The following LTBP3 variants were observed in gnomAD, a reference collection of about 807,000 sequenced individuals.
The protein encoded by LTBP3 is latent-transforming growth factor beta-binding protein 3.
In LTBP3, 97 loss-of-function variants were observed where a neutral mutation model predicts 159.7. That is an observed-to-expected ratio of 0.61 (90% CI 0.52 to 0.72). The LOEUF is 0.72. Among genes scored for constraint, LTBP3 ranks in the 30% least tolerant of loss-of-function variants. The pLI, the probability that LTBP3 is intolerant of heterozygous loss-of-function variation, is 0.00. For missense variants in LTBP3, 1,584 were observed against 1,864.3 expected, an observed-to-expected ratio of 0.85 and a Z score of 2.77; for synonymous variants, 824 against 777.1, an observed-to-expected ratio of 1.06 and a Z score of -1.00.
In LTBP3 at chr11:65,551,243, T is replaced by G. The variant is rs1856601750; in HGVS notation, c.1622-19A>C. 6.5e-7 allele frequency: 1 copy of G among 1,541,868 alleles called. No individual in the cohort carries two copies. The highest frequency in any genetic ancestry group is 8.7e-7 in the Non-Finnish European group (1 of 1,145,288). On this transcript the variant is annotated intron_variant, in intron 10 of 27. Coordinates refer to ENST00000301873, the MANE Select transcript of LTBP3 (RefSeq NM_001130144.3). ...ATCAGCTCTGCGGGCGGCAGTGCACTCTGGTCAGAGACGATATTGACTGAA... is the reference window on the plus strand; with the variant it reads ...ATCAGCTCTGCGGGCGGCAGTGCACGCTGGTCAGAGACGATATTGACTGAA...
chr11:65,557,814 C>A lies in LTBP3; in HGVS notation c.146G>T (p.Arg49Leu), dbSNP rs748487542. 1 of 1,492,712 alleles carries A rather than the reference C, an allele frequency of 6.7e-7. No individual in the cohort carries two copies. Among genetic ancestry groups the A allele is most frequent in the East Asian group, 2.7e-5 (1 of 37,414 alleles). The allele number at this position is 1,492,712 out of a possible 1,614,324, so 92.5% of individuals were successfully genotyped here. ...GRVEGGPAGE[R>L]GAGGGGALAR... The stretch of plus-strand genomic sequence containing the variant: ...CAGCGCCCCGCCCCCGCCTGCGCCC[C>A]GCTCGCCGGCCGGCCCCCCCTCGAC... Residue 49 changes from arginine (R) to leucine (L), a missense_variant, in exon 1 of 28, where the codon CGG (arginine) becomes CTG (leucine). Arg to Leu is a moderately radical substitution (Grantham distance 102). This residue lies in a region of LTBP3 where 79 missense variants were observed against 64.7 expected (regional missense o/e 1.22). Coordinates refer to ENST00000301873, the MANE Select transcript of LTBP3 (RefSeq NM_001130144.3).
chr11:65,540,777 C>A, intron 21 of LTBP3, 94 bp downstream of exon 21: 1 of 1,434,718 alleles, frequency 7.0e-7, no homozygotes, highest in Non-Finnish European at 9.4e-7. Flanking sequence ...GCTTACCCGG[C>A]GCGGGCAGCT....
chr11:65,545,247 T>A, intron 16 of LTBP3: 14 of 175,548 alleles, frequency 8.0e-5, no homozygotes, highest in Non-Finnish European at 1.6e-4. Flanking sequence ...TTCCGCAGCC[T>A]GCCCCTGAAC....
rs1856022551 is a variant in LTBP3, at chr11:65,540,124, A to G, written c.3274T>C (p.Cys1092Arg). ...DVDECQDPAACRPGRCVNLPG... is the reference protein window; with the variant it reads ...DVDECQDPAARRPGRCVNLPG... ...AGGTTGACGCAGCGGCCAGGGCGGC[A>G]GGCTGCCGGGTCCTGGCACTCGTCC... Residue 1092 changes from cysteine (C) to arginine (R), a missense_variant, in exon 24 of 28, where the codon TGC becomes CGC. Coordinates refer to ENST00000301873, the MANE Select transcript of LTBP3 (RefSeq NM_001130144.3). 1 of 1,526,338 alleles carries G rather than the reference A, an allele frequency of 6.6e-7. No homozygotes were observed. The highest frequency in any genetic ancestry group is 1.4e-5 in the African/African-American group (1 of 72,458). 94.5% of individuals were successfully genotyped at this position (1,526,338 alleles called of 1,614,324 possible). A position where few individuals can be genotyped will look rare whatever the true frequency, so the allele number is the denominator to read the frequency against.
chr11:65,553,591 G>T lies in LTBP3; in HGVS notation c.865-61C>A. ...CCCCGCCCCGGTGCCGCCTGTTAGGGTTGGGCCTTTTCCTCTTCCCCCGCC... is the reference window on the plus strand; with the variant it reads ...CCCCGCCCCGGTGCCGCCTGTTAGGTTTGGGCCTTTTCCTCTTCCCCCGCC... On this transcript the variant is annotated intron_variant, in intron 3 of 27. Coordinates refer to ENST00000301873, the MANE Select transcript of LTBP3 (RefSeq NM_001130144.3). The surrounding 1 kb of genome is among the most constrained non-coding windows in gnomAD (Gnocchi z 6.5). The T allele has an allele frequency of 1.3e-6, 2 of 1,503,232 alleles. No homozygotes were observed. The highest frequency in any genetic ancestry group is 1.8e-6 in the Non-Finnish European group (2 of 1,094,812). The allele number at this position is 1,503,232 out of a possible 1,614,324, so 93.1% of individuals were successfully genotyped here.
chr11:65,540,048 G>A lies in LTBP3; in HGVS notation c.3350C>T (p.Ser1117Phe). The change falls in exon 24 of 28, where the codon TCC becomes TTC. Residue 1117 changes from serine (S) to phenylalanine (F), a missense_variant. Coordinates refer to ENST00000301873, the MANE Select transcript of LTBP3 (RefSeq NM_001130144.3). ...CTCGGGGAGCTGGCAATCGCGGCCGGAGGGCCCGGGCACCCAGGGCGGGCG... is the reference window on the plus strand; with the variant it reads ...CTCGGGGAGCTGGCAATCGCGGCCGAAGGGCCCGGGCACCCAGGGCGGGCG... ...ECRPPWVPGPSGRDCQLPESP... is the reference protein window; with the variant it reads ...ECRPPWVPGPFGRDCQLPESP... 1 of 1,517,926 alleles carries A rather than the reference G, an allele frequency of 6.6e-7. No homozygotes were observed. Among genetic ancestry groups the A allele is most frequent in the Non-Finnish European group, 8.8e-7 (1 of 1,138,598 alleles). The allele number at this position is 1,517,926 out of a possible 1,614,324, so 94.0% of individuals were successfully genotyped here.
intron 11 of LTBP3, chr11:65,548,899 G>A (rs1218448662): frequency 6.6e-6 from 1 of 152,172 alleles, no homozygotes; most frequent in Non-Finnish European, 1.5e-5. Context: ...TCTCCCACCT[G>A]AGCCCTAACC....
At chr11:65,542,766 A>G (rs1410346828) in intron 18 of LTBP3, 3 of 357,124 alleles carry the variant, frequency 8.4e-6, no homozygotes, top group Non-Finnish European at 1.6e-5. Flanking sequence ...CAATACATTA[A>G]TATCTGTAAA....
chr11:65,540,313 C>A lies in LTBP3; in HGVS notation c.3176G>T (p.Arg1059Leu), dbSNP rs1281800282. ...CTCGGCAGGGGGCGTGCAGGCACAG[C>A]GGTAGCCGCCGCGCGTGTTCTCACA... ...GVCENTRGGY[R>L]CACTPPAEYS... The change falls in exon 23 of 28, where the codon CGC becomes CTC. Residue 1059 changes from arginine (R) to leucine (L), a missense_variant. By Grantham distance (102) the Arg-to-Leu change is moderately radical. Coordinates refer to ENST00000301873, the MANE Select transcript of LTBP3 (RefSeq NM_001130144.3). The A allele has an allele frequency of 1.9e-6, 3 of 1,569,044 alleles. No individual in the cohort carries two copies. In the African/African-American group the frequency reaches 4.0e-5, roughly 21 times the overall value.
In LTBP3 at chr11:65,547,007, A is replaced by C; in HGVS notation, c.2108-87T>G. On this transcript the variant is annotated intron_variant, in intron 14 of 27. Transcript: ENST00000301873. This position sits in a 1 kb window ranked among gnomAD's most constrained non-coding sequence, Gnocchi z 4.6. Reference sequence around the variant, plus strand: ...GCGTCCACAGCAGGGACTTCCTCCCACACAGATCAACGAGGCTCCCGGACC... The same window carrying C: ...GCGTCCACAGCAGGGACTTCCTCCCCCACAGATCAACGAGGCTCCCGGACC... 5.7e-6 allele frequency: 9 copies of C among 1,577,088 alleles called. No homozygotes were observed. Among genetic ancestry groups the C allele is most frequent in the South Asian group, 1.1e-5 (1 of 90,516 alleles).
chr11:65,555,604 C>T (rs999209429), intron 1 of LTBP3, among the ~76,000 whole-genome samples: 2 of 152,196 alleles, frequency 1.3e-5, no homozygotes, highest in African/African-American at 4.8e-5. Context: ...CTCTGGAAGG[C>T]AGGGCCAGGC....
Position 65,558,067 on chromosome 11 carries a change from G to A in LTBP3, c.-108C>T, listed in dbSNP as rs2135169360. On this transcript the variant is annotated 5_prime_UTR_variant, in exon 1 of 28. Transcript: ENST00000301873. ...GCCCCGGGAGAGGGTAGGGGGCAGC[G>A]AGGGAGGGCAGCGGGGGAAGCGGGC... is the stretch of plus-strand genomic sequence containing the variant. 9.4e-7 allele frequency: 1 copy of A among 1,067,324 alleles called. No homozygotes were observed. Among genetic ancestry groups the A allele is most frequent in the Non-Finnish European group, 1.1e-6 (1 of 881,710 alleles). 66.1% of individuals were successfully genotyped at this position (1,067,324 alleles called of 1,614,324 possible).
rs186445637 is a variant in LTBP3 at position 65,554,414 on chromosome 11, C to T, written c.332-34G>A. The T allele has an allele frequency of 4.5e-4, 689 of 1,545,400 alleles. 4 individuals carry two copies. The African/African-American group carries it at 8.4e-3, about 19-fold the overall frequency. ...AAGAGTGGGGTCAGGCCCTCACCCA[C>T]ATCCTGTCTCTTTCCCCTCCTCCCT... On this transcript the variant is annotated intron_variant, in intron 1 of 27. Coordinates refer to ENST00000301873, the MANE Select transcript of LTBP3 (RefSeq NM_001130144.3). This position sits in a 1 kb window ranked among gnomAD's most constrained non-coding sequence, Gnocchi z 5.3.
rs758898554 is a variant in LTBP3 at position 65,554,256 on chromosome 11, G to A, written c.456C>T (p.Gly152=). Reference sequence around the variant, plus strand: ...TCCTGCTCAGGCCGGGGCCTGAGCCGCCGGTACCCCCACCGGCTCCTCCTG... The same window carrying A: ...TCCTGCTCAGGCCGGGGCCTGAGCCACCGGTACCCCCACCGGCTCCTCCTG... The part of the protein sequence containing the change: ...VPAGGAGGGT[G]GSGPGLSRTG... Residue 152 remains glycine, a synonymous_variant, in exon 2 of 28, where the codon GGC becomes GGT. Transcript: ENST00000301873. The surrounding 1 kb of genome is among the most constrained non-coding windows in gnomAD (Gnocchi z 5.3). 2.4e-5 allele frequency: 39 copies of A among 1,609,426 alleles called. No homozygotes were observed. The highest frequency in any genetic ancestry group is 6.7e-5 in the African/African-American group (5 of 74,822).
Position 65,554,396 on chromosome 11 carries a change from GGGT to G in LTBP3, c.332-19_332-17del, listed in dbSNP as rs763766501. ...GGGCACACCACTGGGGAGAAGAGTG[GGGT>G]CAGGCCCTCACCCACATCCTGTCTC... On this transcript the variant is annotated splice_polypyrimidine_tract_variant and intron_variant, in intron 1 of 27. Transcript: ENST00000301873. This position sits in a 1 kb window ranked among gnomAD's most constrained non-coding sequence, Gnocchi z 5.3. 1 of 1,600,670 alleles carries G rather than the reference GGGT, an allele frequency of 6.2e-7. No individual in the cohort carries two copies. The highest frequency in any genetic ancestry group is 1.3e-5 in the African/African-American group (1 of 74,622).
rs74202491 is a variant in LTBP3, at chr11:65,547,431, C to T, written c.2107+8G>A. The T allele has an allele frequency of 0.071, 113,996 of 1,612,928 alleles. 4,693 individuals carry two copies. The highest frequency in any genetic ancestry group is 0.15 in the South Asian group (13,465 of 91,076). ...GCTCCTTCTTTGGTCTGAATGGGGTCCCCTCACCTTCGCACACAGGAGGCC... is the reference window on the plus strand; with the variant it reads ...GCTCCTTCTTTGGTCTGAATGGGGTTCCCTCACCTTCGCACACAGGAGGCC... On this transcript the variant is annotated splice_region_variant and intron_variant, in intron 14 of 27. Transcript: ENST00000301873. This position sits in a 1 kb window ranked among gnomAD's most constrained non-coding sequence, Gnocchi z 4.6.
chr11:65,558,001 G>A lies in LTBP3; in HGVS notation c.-42C>T, dbSNP rs1384985958. On this transcript the variant is annotated 5_prime_UTR_variant, in exon 1 of 28. Coordinates refer to ENST00000301873, the MANE Select transcript of LTBP3 (RefSeq NM_001130144.3). ...CGGGGGAGGGGGGGCGCGCCCGGGC[G>A]GGGCGAGGGGCCCGCGCCCGAAGGG... 1 of 1,105,530 alleles carries A rather than the reference G, an allele frequency of 9.0e-7. No individual in the cohort carries two copies. The highest frequency in any genetic ancestry group is 1.1e-6 in the Non-Finnish European group (1 of 907,440). 68.5% of individuals were successfully genotyped at this position (1,105,530 alleles called of 1,614,324 possible). A position where few individuals can be genotyped will look rare whatever the true frequency, so the allele number is the denominator to read the frequency against.
Position 65,547,347 on chromosome 11 carries a change from G to GA in LTBP3, c.2107+91_2107+92insT. On this transcript the variant is annotated intron_variant, in intron 14 of 27. Transcript: ENST00000301873. The surrounding 1 kb of genome is among the most constrained non-coding windows in gnomAD (Gnocchi z 4.6). ...CGACAGAGTGAGACTCCGTCTCGGG[G>GA]GAAAAAAAAAAAAATGCAGGCACCC... 1.4e-4 allele frequency: 185 copies of GA among 1,329,006 alleles called. No homozygotes were observed. Among genetic ancestry groups the GA allele is most frequent in the Middle Eastern group, 4.3e-4 (2 of 4,608 alleles). 82.3% of individuals were successfully genotyped at this position (1,329,006 alleles called of 1,614,324 possible). A position where few individuals can be genotyped will look rare whatever the true frequency, so the allele number is the denominator to read the frequency against.
Position 65,547,542 on chromosome 11 carries a change from G to T in LTBP3, c.2004C>A (p.His668Gln), listed in dbSNP as rs756791055. The change falls in exon 14 of 28, where the codon CAC becomes CAA. Residue 668 changes from histidine (H) to glutamine (Q), a missense_variant. By Grantham distance (24) the His-to-Gln change is conservative. Around this residue, in one of 6 missense-constraint regions of LTBP3, gnomAD observed 565 missense variants for 677.7 expected, o/e 0.83. Coordinates refer to ENST00000301873, the MANE Select transcript of LTBP3 (RefSeq NM_001130144.3). The surrounding 1 kb of genome is among the most constrained non-coding windows in gnomAD (Gnocchi z 4.6). The stretch of plus-strand genomic sequence containing the variant: ...TGCAGAAGCCGCCGTCGCCGCACAG[G>T]TGGGGCTTGGCGCATTCGTTCAGGT... ...CVDLNECAKP[H>Q]LCGDGGFCIN... is the part of the protein sequence containing the mutation. 7 of 1,614,044 alleles carry T rather than the reference G, an allele frequency of 4.3e-6. No individual in the cohort carries two copies. The highest frequency in any genetic ancestry group is 1.3e-5 in the African/African-American group (1 of 75,042).
Sources: gnomAD v4.1 joint callset for allele counts (sites outside exome capture counted in the v4.1 genomes callset) on GRCh38, gnomAD v4.1.1 for gene constraint, gnomAD v4.1.1 regional missense constraint, Gnocchi (gnomAD v3.1) non-coding constraint, MANE v1.5 for transcripts, NCBI Gene and HGNC (gene_info 2026-07-23, HGNC 2026-07-21) for gene names.